Variants in PHC2 observed in about 807,000 individuals in gnomAD.
The protein encoded by PHC2 is polyhomeotic-like protein 2.
A neutral mutation model predicts 87.4 loss-of-function variants in PHC2; 29 were observed. The observed-to-expected ratio is 0.33, with a 90% confidence interval of 0.25 to 0.45. The LOEUF (loss-of-function observed/expected upper bound fraction) is 0.45. Among genes scored for constraint, PHC2 ranks in the 20% least tolerant of loss-of-function variants. PHC2 has a pLI of 1.00. For missense variants in PHC2, 857 were observed against 1,136.7 expected, an observed-to-expected ratio of 0.75 and a Z score of 3.54; for synonymous variants, 438 against 461.7, an observed-to-expected ratio of 0.95 and a Z score of 0.66.
At chr1:33,383,822 G>A (rs1413819999) in intron 1 of PHC2, among the ~76,000 whole-genome samples, 1 of 152,144 alleles carries the variant, frequency 6.6e-6, no homozygotes, top group Non-Finnish European at 1.5e-5. Context: ...CGTGAAGATG[G>A]AGGCAGAGAT....
chr1:33,335,323 G>A (rs947648456), intron 9 of PHC2: 3 of 985,136 alleles, frequency 3.0e-6, no homozygotes, highest in Non-Finnish European at 3.6e-6. Context: ...ACCATCAACT[G>A]CCCCGTGAGC....
intron 1 of PHC2, among the ~76,000 whole-genome samples, chr1:33,408,421 T>C (rs1466754120): frequency 6.6e-6 from 1 of 151,256 alleles, no homozygotes; most frequent in Non-Finnish European, 1.5e-5. Context: ...TCTTGAAGAT[T>C]AGATACCCTT....
At chr1:33,414,873 A>G (rs1650139690) in intron 1 of PHC2, among the ~76,000 whole-genome samples, 1 of 152,232 alleles carries the variant, frequency 6.6e-6, no homozygotes, top group African/African-American at 2.4e-5. Flanking sequence ...TAAGTTCTCT[A>G]AAAAATAAGT....
At chr1:33,405,608 T>C (rs1221768043) in intron 1 of PHC2, among the ~76,000 whole-genome samples, 4 of 152,216 alleles carry the variant, frequency 2.6e-5, no homozygotes, top group South Asian at 2.1e-4. Flanking sequence ...TTCTACCTTC[T>C]TCAGATTTAA....
chr1:33,410,943 T>TA (rs1557847374), intron 1 of PHC2, among the ~76,000 whole-genome samples: 1 of 152,194 alleles, frequency 6.6e-6, no homozygotes. Context: ...ATCAAGGCAC[T>TA]AACTATGGGG....
chr1:33,423,969 C>T (rs1387037317), intron 1 of PHC2, among the ~76,000 whole-genome samples: 4 of 152,074 alleles, frequency 2.6e-5, no homozygotes, highest in Middle Eastern at 6.8e-3. Context: ...TGGTGGCACA[C>T]ACCTGTAGTC....
At position 33,334,148 on chromosome 1, in the gene PHC2, T is replaced by C; in HGVS notation, c.1703A>G (p.Gln568Arg). 2 of 1,613,962 alleles carry C rather than the reference T, an allele frequency of 1.2e-6. No individual in the cohort carries two copies. Among genetic ancestry groups the C allele is most frequent in the Non-Finnish European group, 1.7e-6 (2 of 1,179,974 alleles). The change falls in exon 10 of 15, where the codon CAA (glutamine) becomes CGA (arginine). Residue 568 changes from glutamine to arginine, a missense_variant. Around this residue, in one of 3 missense-constraint regions of PHC2, gnomAD observed 832 missense variants for 1,081.8 expected, o/e 0.77. Transcript: ENST00000683057. This position sits in a 1 kb window ranked among gnomAD's most constrained non-coding sequence, Gnocchi z 5.5. ...NKPPQAIVKPQILTHVIEGFV... is the reference protein window; with the variant it reads ...NKPPQAIVKPRILTHVIEGFV... ...CCCTTCGATAACATGCGTCAGGATTTGGGGTTTCACAATGGCCTGTGGTGG... is the reference window on the plus strand; with the variant it reads ...CCCTTCGATAACATGCGTCAGGATTCGGGGTTTCACAATGGCCTGTGGTGG...
At chr1:33,398,946 T>C (rs1649404392) in intron 1 of PHC2, among the ~76,000 whole-genome samples, 1 of 152,082 alleles carries the variant, frequency 6.6e-6, no homozygotes. Flanking sequence ...GGAGGGTAGG[T>C]GAAAAAGACA....
At chr1:33,367,991 C>T (rs560156933) in intron 6 of PHC2, among the ~76,000 whole-genome samples, 2 of 152,312 alleles carry the variant, frequency 1.3e-5, no homozygotes, top group African/African-American at 4.8e-5. Flanking sequence ...GAAAATCCGG[C>T]TACCAGCCCT....
chr1:33,427,896 C>A (rs1400969634), intron 1 of PHC2, among the ~76,000 whole-genome samples: 1 of 152,230 alleles, frequency 6.6e-6, no homozygotes, highest in African/African-American at 2.4e-5. Context: ...TTCTCCCTCC[C>A]TCCCTAAATG....
intron 10 of PHC2, chr1:33,333,194 C>T (rs559703619): frequency 6.6e-6 from 1 of 152,358 alleles, no homozygotes; most frequent in Non-Finnish European, 1.5e-5. Context: ...TGGCCTTGGA[C>T]AACCTCCAGT....
intron 1 of PHC2, among the ~76,000 whole-genome samples, chr1:33,411,051 T>C (rs1250969885): frequency 6.6e-6 from 1 of 152,172 alleles, no homozygotes; most frequent in Non-Finnish European, 1.5e-5. Flanking sequence ...TTTCTAAATA[T>C]GGAATGAATT....
chr1:33,386,561 G>C (rs1570502602), intron 1 of PHC2, among the ~76,000 whole-genome samples: 1 of 152,102 alleles, frequency 6.6e-6, no homozygotes, highest in Admixed American at 6.5e-5. Flanking sequence ...AGCTGGGTGT[G>C]GTGACGCACA....
intron 7 of PHC2, among the ~76,000 whole-genome samples, chr1:33,356,281 A>ATATATATATATATATATG (rs1647082146): frequency 2.2e-5 from 3 of 136,418 alleles, no homozygotes; most frequent in African/African-American, 8.8e-5. Context: ...ATATATGTAT[A>ATATATATATATATATATG]TATATATATA....
intron 1 of PHC2, among the ~76,000 whole-genome samples, chr1:33,412,343 T>C (rs1341688275): frequency 1.3e-5 from 2 of 152,182 alleles, no homozygotes; most frequent in African/African-American, 2.4e-5. Flanking sequence ...AGCCTTTCTC[T>C]TAACTATTAA....
chr1:33,375,275 A>T, intron 2 of PHC2, 91 bp downstream of exon 2: 1 of 1,097,388 alleles, frequency 9.1e-7, no homozygotes, highest in Non-Finnish European at 1.3e-6. Context: ...GTCCACATCT[A>T]GATTATCCCA....
At chr1:33,424,329 A>G (rs75530538) in intron 1 of PHC2, among the ~76,000 whole-genome samples, 2,308 of 152,196 alleles carry the variant, frequency 0.015, 26 homozygotes, top group Non-Finnish European at 0.024. Flanking sequence ...ATCTGTACCC[A>G]TGGTTTCTAC....
At chr1:33,430,271 C>T (rs1430308612) in intron 1 of PHC2, among the ~76,000 whole-genome samples, 1 of 152,214 alleles carries the variant, frequency 6.6e-6, no homozygotes, top group Non-Finnish European at 1.5e-5. Context: ...TCACTCAGCA[C>T]AGAAAACAAG....
rs1165209114 is a variant in PHC2, at chr1:33,349,276, G to T, written c.1558+5125C>A. 7.1e-6 allele frequency: 7 copies of T among 985,466 alleles called. No homozygotes were observed. Among genetic ancestry groups the T allele is most frequent in the African/African-American group, 1.7e-5 (1 of 57,382 alleles). The allele number at this position is 985,466 out of a possible 1,614,324, so 61.0% of individuals were successfully genotyped here. A position where few individuals can be genotyped will look rare whatever the true frequency, so the allele number is the denominator to read the frequency against. ...GTCCCCGAACGCACCGTCCGTCCCA[G>T]GGAAGTCGCAGCGGCGGGGAGGCCG... On this transcript the variant is annotated intron_variant, in intron 9 of 14. Coordinates refer to ENST00000683057, the MANE Select transcript of PHC2 (RefSeq NM_001385109.1). The surrounding 1 kb of genome is among the most constrained non-coding windows in gnomAD (Gnocchi z 4.2).
Sources: gnomAD v4.1 joint callset for allele counts (sites outside exome capture counted in the v4.1 genomes callset) on GRCh38, gnomAD v4.1.1 for gene constraint, gnomAD v4.1.1 regional missense constraint, Gnocchi (gnomAD v3.1) non-coding constraint, MANE v1.5 for transcripts, NCBI Gene and HGNC (gene_info 2026-07-23, HGNC 2026-07-21) for gene names.